The following DNAH11 variants were observed in gnomAD, a reference collection of about 807,000 sequenced individuals.
DNAH11 encodes the protein axonemal beta dynein heavy chain 11.
DNAH11 carries 442 observed loss-of-function variants against 526.0 expected under a neutral mutation model. The ratio of observed to expected loss-of-function variants is 0.84; its 90% CI spans 0.78 to 0.91. DNAH11 has a LOEUF of 0.91. Among genes scored for constraint, DNAH11 ranks in the 40% least tolerant of loss-of-function variants. The pLI is 0.00. For synonymous variants in DNAH11, 2,461 were observed against 1,935.9 expected (o/e 1.27, Z -7.12); for missense variants, 6,989 against 5,448.7 (o/e 1.28, Z -8.90).
chr7:21,543,374 G>A lies in DNAH11; in HGVS notation c.129G>A (p.Glu43=), dbSNP rs1457396865. 4 of 1,551,724 alleles carry A rather than the reference G, an allele frequency of 2.6e-6. No individual in the cohort carries two copies. In the Admixed American group the frequency reaches 5.9e-5, roughly 23 times the overall value. The stretch of plus-strand genomic sequence containing the variant: ...TCGAGGAGGAGGAGGAGAACGAGGA[G>A]GAGGCGGCGGCCAGGAGAGCGCGGA... ...VELEEEEENE[E]EAAARRARSF... The change falls in exon 1 of 82, where the codon GAG becomes GAA. Residue 43 remains glutamate (E), a synonymous_variant. Coordinates refer to ENST00000409508, the MANE Select transcript of DNAH11 (RefSeq NM_001277115.2).
intron 40 of DNAH11, 147 bp downstream of exon 40, chr7:21,707,982 A>AC: frequency 3.9e-6 from 3 of 775,830 alleles, no homozygotes; most frequent in Non-Finnish European, 5.6e-6. Flanking sequence ...CAGCATTTAT[A>AC]ATGTATAAAT....
intron 20 of DNAH11, among the ~76,000 whole-genome samples, chr7:21,610,058 T>C (rs113881213): frequency 1.3e-5 from 2 of 152,022 alleles, no homozygotes; most frequent in Non-Finnish European, 2.9e-5. Context: ...ATGGAGACCA[T>C]CCTGGCTAAC....
intron 7 of DNAH11, among the ~76,000 whole-genome samples, chr7:21,571,231 T>C (rs904514262): frequency 6.6e-6 from 1 of 152,066 alleles, no homozygotes; most frequent in Non-Finnish European, 1.5e-5. Context: ...TTGGGGGAGT[T>C]ATGTGTCTAG....
chr7:21,836,876 A>G (rs1456907711), intron 65 of DNAH11, among the ~76,000 whole-genome samples: 10 of 152,162 alleles, frequency 6.6e-5, no homozygotes, highest in African/African-American at 1.7e-4. Flanking sequence ...TCTAGAATAT[A>G]TAAGGAACTC....
chr7:21,762,830 C>A (rs1471969259), intron 54 of DNAH11, among the ~76,000 whole-genome samples: 3 of 152,092 alleles, frequency 2.0e-5, no homozygotes, highest in Non-Finnish European at 4.4e-5. Flanking sequence ...TTTGACATGA[C>A]ACCAAAAGCC....
intron 65 of DNAH11, among the ~76,000 whole-genome samples, chr7:21,828,898 G>A (rs78172873): frequency 0.074 from 11,307 of 151,936 alleles, 466 homozygotes; most frequent in Middle Eastern, 0.093. Context: ...ACTGTATGAA[G>A]CAGCAAGACA....
rs1205282003 is a variant in DNAH11, at chr7:21,582,797, G to C, written c.1710+776G>C. Among the ~76,000 whole-genome samples the C allele has an allele frequency of 2.6e-5, 4 of 152,250 alleles. No individual in the cohort carries two copies. The East Asian group carries it at 7.7e-4, about 29-fold the overall frequency. On this transcript the variant is annotated intron_variant, in intron 9 of 81. Coordinates refer to ENST00000409508, the MANE Select transcript of DNAH11 (RefSeq NM_001277115.2). ...TCAATATCAGAAGAAAAAGAGCTAA[G>C]AAATCATGGATATAATTCATTGAGA... is the stretch of plus-strand genomic sequence containing the variant.
At chr7:21,556,677 C>T (rs1025221030) in intron 2 of DNAH11, among the ~76,000 whole-genome samples, 1 of 152,136 alleles carries the variant, frequency 6.6e-6, no homozygotes, top group African/African-American at 2.4e-5. Context: ...CCTCCTTCCA[C>T]CCTCCACCCT....
chr7:21,687,051 G>GA, intron 32 of DNAH11, 48 bp from the exon 33 acceptor site: 1 of 1,548,098 alleles, frequency 6.5e-7, no homozygotes, highest in Non-Finnish European at 8.7e-7. Flanking sequence ...GATGTTTTAT[G>GA]AAAATCTCAT....
At chr7:21,893,465 G>GT (rs955702509) in intron 77 of DNAH11, among the ~76,000 whole-genome samples, 1 of 152,190 alleles carries the variant, frequency 6.6e-6, no homozygotes, top group Admixed American at 6.5e-5. Context: ...CTGTAAATGA[G>GT]TTTAAGATTT....
Position 21,620,081 on chromosome 7 carries a change from A to G in DNAH11, c.4500+3A>G, listed in dbSNP as rs1785972358. 1 of 1,573,366 alleles carries G rather than the reference A, an allele frequency of 6.4e-7. No individual in the cohort carries two copies. The highest frequency in any genetic ancestry group is 8.6e-7 in the Non-Finnish European group (1 of 1,163,946). On this transcript the variant is annotated splice_donor_region_variant and intron_variant, in intron 25 of 81. Transcript: ENST00000409508. Reference sequence around the variant, plus strand: ...TTGAAACTCTAGAGCACAACCAAGTAAGATGGATATTTTTATTGCATATAT... The same window carrying G: ...TTGAAACTCTAGAGCACAACCAAGTGAGATGGATATTTTTATTGCATATAT...
At chr7:21,727,749 C>T (rs1216629741) in intron 45 of DNAH11, among the ~76,000 whole-genome samples, 2 of 152,132 alleles carry the variant, frequency 1.3e-5, no homozygotes, top group Admixed American at 6.5e-5. Context: ...TAACAGAAAG[C>T]CCAGTGCATT....
rs767152111 is a variant in DNAH11 at position 21,726,938 on chromosome 7, T to TTTTTTTTTTTG, written c.7440+964_7440+965insGTTTTTTTTTT. ...TTATATTTCTGCATCCTCTTTTCTT[T>TTTTTTTTTTTG]TTTTTTTTTTTTTGAGATGGAGTCT... On this transcript the variant is annotated intron_variant, in intron 45 of 81. Coordinates refer to ENST00000409508, the MANE Select transcript of DNAH11 (RefSeq NM_001277115.2). Among the ~76,000 whole-genome samples, 89 of 71,230 alleles carry TTTTTTTTTTTG rather than the reference T, an allele frequency of 1.2e-3. 22 individuals carry two copies. Among genetic ancestry groups the TTTTTTTTTTTG allele is most frequent in the Non-Finnish European group, 2.2e-3 (78 of 36,112 alleles). The allele number at this position is 71,230 out of a possible 152,430, so 46.7% of individuals were successfully genotyped here.
Position 21,779,243 on chromosome 7 carries a change from T to A in DNAH11, c.9483+139T>A, listed in dbSNP as rs1055535523. The A allele has an allele frequency of 3.0e-5, 31 of 1,050,674 alleles. No homozygotes were observed. In the African/African-American group the frequency reaches 4.7e-4, roughly 16 times the overall value. The allele number at this position is 1,050,674 out of a possible 1,614,324, so 65.1% of individuals were successfully genotyped here. On this transcript the variant is annotated intron_variant, in intron 57 of 81. Transcript: ENST00000409508. The stretch of plus-strand genomic sequence containing the variant: ...TATTATAGTTACACATGTAACAGCA[T>A]TTCACACCGTGATTACCACTTGACC...
At chr7:21,746,723 G>A (rs375646945) in intron 51 of DNAH11, among the ~76,000 whole-genome samples, 3 of 152,194 alleles carry the variant, frequency 2.0e-5, no homozygotes, top group African/African-American at 7.2e-5. Context: ...AAATTGTAGA[G>A]CCCTTCCTGT....
intron 28 of DNAH11, 114 bp downstream of exon 28, chr7:21,639,179 T>G: frequency 7.6e-7 from 1 of 1,310,340 alleles, no homozygotes; most frequent in Non-Finnish European, 1.0e-6. Flanking sequence ...AACTAGAAAA[T>G]CTGCAGTTAA....
At chr7:21,562,531 G>C (rs868593757) in intron 5 of DNAH11, among the ~76,000 whole-genome samples, 8 of 151,956 alleles carry the variant, frequency 5.3e-5, no homozygotes, top group African/African-American at 1.5e-4. Context: ...GTTCCTCTGA[G>C]CCTTATGCAT....
At chr7:21,758,364 C>A (rs1786727969) in intron 54 of DNAH11, among the ~76,000 whole-genome samples, 1 of 152,134 alleles carries the variant, frequency 6.6e-6, no homozygotes, top group Non-Finnish European at 1.5e-5. Flanking sequence ...AATTAGGATA[C>A]AAATATCAAT....
chr7:21,757,140 T>G (rs1786672774), intron 54 of DNAH11, among the ~76,000 whole-genome samples: 1 of 152,224 alleles, frequency 6.6e-6, no homozygotes, highest in South Asian at 2.1e-4. Context: ...ATTTTGTTCT[T>G]TAGAGTTTGC....
Sources: allele counts gnomAD v4.1 joint callset (sites outside exome capture counted in the v4.1 genomes callset), GRCh38; gene constraint gnomAD v4.1.1; transcripts MANE v1.5; gene names NCBI Gene and HGNC (gene_info 2026-07-23, HGNC 2026-07-21).